SPOCK3: variants seen among roughly 807,000 people sequenced by gnomAD.
SPOCK3 encodes SPARC (osteonectin), cwcv and kazal like domains proteoglycan 3, also known as testican-3.
A neutral mutation model predicts 56.6 loss-of-function variants in SPOCK3; 30 were observed. The observed-to-expected ratio is 0.53, with a 90% CI of 0.40 to 0.72. The LOEUF is 0.72. SPOCK3 is among the 30% of genes least tolerant of loss of function. The probability of loss-of-function intolerance (pLI) is 0.00; values close to 1 mark genes in which losing one functional copy is unlikely to be tolerated. For synonymous variants in SPOCK3, 196 were observed against 183.3 expected, an observed-to-expected ratio of 1.07 and a Z score of -0.56; for missense variants, 527 against 530.0, an observed-to-expected ratio of 0.99 and a Z score of 0.06.
chr4:167,000,317 C>G (rs1336933888), intron 4 of SPOCK3, 32 bp downstream of exon 4: 5 of 1,104,922 alleles, frequency 4.5e-6, no homozygotes, highest in Non-Finnish European at 5.4e-6. Context: ...GAGCGCTGTT[C>G]AATCAGTGGG....
At chr4:166,934,733 A>C (rs1460756584) in intron 4 of SPOCK3, among the ~76,000 whole-genome samples, 2 of 152,186 alleles carry the variant, frequency 1.3e-5, no homozygotes, top group Non-Finnish European at 2.9e-5. Context: ...GATTATTTCT[A>C]GCACATACAT....
At chr4:166,994,321 C>T (rs1188785734) in intron 4 of SPOCK3, among the ~76,000 whole-genome samples, 1 of 152,064 alleles carries the variant, frequency 6.6e-6, no homozygotes, top group South Asian at 2.1e-4. Context: ...TTGTATGATA[C>T]CTACTTTACA....
intron 2 of SPOCK3, among the ~76,000 whole-genome samples, chr4:167,080,868 C>CTCTT (rs1270983309): frequency 7.4e-5 from 11 of 149,418 alleles, no homozygotes; most frequent in Non-Finnish European, 1.2e-4. Context: ...GTCCTATATT[C>CTCTT]TCTTTCTTTC....
chr4:167,121,053 A>G (rs372946554), intron 2 of SPOCK3, among the ~76,000 whole-genome samples: 1 of 151,924 alleles, frequency 6.6e-6, no homozygotes, highest in African/African-American at 2.4e-5. Flanking sequence ...AGACCCAGAA[A>G]CCATTCAACA....
At chr4:166,805,725 G>A (rs1302564372) in intron 6 of SPOCK3, among the ~76,000 whole-genome samples, 1 of 152,026 alleles carries the variant, frequency 6.6e-6, no homozygotes, top group East Asian at 1.9e-4. Flanking sequence ...GGTAAAAAAT[G>A]AAGTCATAAG....
chr4:167,113,704 T>G (rs964391823), intron 2 of SPOCK3, among the ~76,000 whole-genome samples: 3 of 151,956 alleles, frequency 2.0e-5, no homozygotes, highest in African/African-American at 7.2e-5. Flanking sequence ...AGGCCTACGG[T>G]ACAAGAAAGA....
chr4:166,808,446 TTCTC>T lies in SPOCK3; in HGVS notation c.590-16161_590-16158del, dbSNP rs149320907. 7.0e-3 allele frequency among the ~76,000 whole-genome samples: 1,032 copies of T among 146,854 alleles called. 5 individuals are homozygous for T. The highest frequency in any genetic ancestry group is 0.015 in the East Asian group (76 of 4,984). On this transcript the variant is annotated intron_variant, in intron 6 of 10. Coordinates refer to ENST00000357545, the MANE Select transcript of SPOCK3 (RefSeq NM_001040159.2). ...ACTGTGGGTTCACACAAAGAAGAAATTCTCTCTCTCTCTCTCTCTCTCTCTGCCA... is the reference window on the plus strand; with the variant it reads ...ACTGTGGGTTCACACAAAGAAGAAATTCTCTCTCTCTCTCTCTCTCTGCCA...
intron 7 of SPOCK3, among the ~76,000 whole-genome samples, chr4:166,791,790 C>G (rs1741390489): frequency 6.6e-6 from 1 of 152,098 alleles, no homozygotes; most frequent in African/African-American, 2.4e-5. Flanking sequence ...GCAAAGTAAT[C>G]TTGGAAAGGC....
intron 7 of SPOCK3, among the ~76,000 whole-genome samples, chr4:166,790,762 C>T (rs1449511218): frequency 1.3e-5 from 2 of 152,074 alleles, no homozygotes; most frequent in African/African-American, 4.8e-5. Flanking sequence ...TCAGTCTGAA[C>T]TCAAGCTTAG....
intron 6 of SPOCK3, among the ~76,000 whole-genome samples, chr4:166,813,550 T>C (rs1235065955): frequency 6.7e-6 from 1 of 148,604 alleles, no homozygotes; most frequent in Non-Finnish European, 1.5e-5. Flanking sequence ...AAAAATATAA[T>C]TGGGAAAAAT....
intron 2 of SPOCK3, among the ~76,000 whole-genome samples, chr4:167,212,283 C>T (rs1003780491): frequency 1.3e-5 from 2 of 151,816 alleles, no homozygotes; most frequent in African/African-American, 4.8e-5. Flanking sequence ...CTCTTGTTGC[C>T]CAGGCTGGAG....
At chr4:167,160,129 T>A (rs530879619) in intron 2 of SPOCK3, among the ~76,000 whole-genome samples, 1 of 152,286 alleles carries the variant, frequency 6.6e-6, no homozygotes, top group South Asian at 2.1e-4. Context: ...CATGATTGTA[T>A]ATTTAGAAAA....
At chr4:166,739,391 C>T (rs9918043) in intron 9 of SPOCK3, among the ~76,000 whole-genome samples, 1 of 151,764 alleles carries the variant, frequency 6.6e-6, no homozygotes, top group Non-Finnish European at 1.5e-5. Context: ...CAGGCATGCA[C>T]CACCACACCA....
intron 2 of SPOCK3, among the ~76,000 whole-genome samples, chr4:167,192,781 C>T (rs759537208): frequency 1.4e-4 from 20 of 145,714 alleles, no homozygotes; most frequent in Non-Finnish European, 2.2e-4. Context: ...CCTCCCGTAA[C>T]TTTTGATACG....
chr4:167,167,127 T>G (rs996917258), intron 2 of SPOCK3, among the ~76,000 whole-genome samples: 11 of 152,288 alleles, frequency 7.2e-5, no homozygotes, highest in African/African-American at 2.6e-4. Flanking sequence ...CACCTTGACA[T>G]TTTGTACTCT....
intron 6 of SPOCK3, among the ~76,000 whole-genome samples, chr4:166,842,140 G>A (rs564608121): frequency 1.3e-5 from 2 of 152,322 alleles, no homozygotes; most frequent in Admixed American, 1.3e-4. Context: ...GAGTGTTATA[G>A]CTCATAGAGG....
At chr4:167,008,641 T>C (rs1335306584) in intron 3 of SPOCK3, among the ~76,000 whole-genome samples, 3 of 152,176 alleles carry the variant, frequency 2.0e-5, no homozygotes, top group African/African-American at 7.2e-5. Flanking sequence ...ATGTATACCA[T>C]GTAAGACTAT....
At chr4:167,113,741 A>G (rs559790916) in intron 2 of SPOCK3, among the ~76,000 whole-genome samples, 13 of 152,202 alleles carry the variant, frequency 8.5e-5, no homozygotes, top group South Asian at 8.3e-4. Context: ...ACCAACACCA[A>G]GAGGAAGCGG....
chr4:166,818,447 T>C (rs527460119), intron 6 of SPOCK3, among the ~76,000 whole-genome samples: 31 of 152,188 alleles, frequency 2.0e-4, no homozygotes, highest in Non-Finnish European at 5.9e-5. Context: ...ACTTATACAG[T>C]AATCTTTTAA....
Sources: allele counts gnomAD v4.1 joint callset (sites outside exome capture counted in the v4.1 genomes callset), GRCh38; gene constraint gnomAD v4.1.1; transcripts MANE v1.5; gene names NCBI Gene and HGNC (gene_info 2026-07-23, HGNC 2026-07-21).